The following ARHGAP26 variants were observed in gnomAD, a reference collection of about 807,000 sequenced individuals.
The protein encoded by ARHGAP26 is Rho GTPase activating protein 26, also known as rho GTPase-activating protein 26.
Under a neutral mutation model 104.8 loss-of-function variants are expected in ARHGAP26, and 38 were observed. That is an observed-to-expected ratio of 0.36 (90% CI 0.28 to 0.48). ARHGAP26 has a LOEUF of 0.48. Among genes scored for constraint, ARHGAP26 ranks in the 20% least tolerant of loss-of-function variants. The pLI is 0.99. For missense variants in ARHGAP26, 704 were observed against 947.9 expected (o/e 0.74, Z 3.38); for synonymous variants, 341 against 340.0 (o/e 1.00, Z -0.03).
At chr5:142,933,198 T>A (rs921676622) in intron 11 of ARHGAP26, among the ~76,000 whole-genome samples, 1 of 152,228 alleles carries the variant, frequency 6.6e-6, no homozygotes, top group Non-Finnish European at 1.5e-5. Flanking sequence ...CTATTTGATG[T>A]CAAAGGCCTT....
chr5:143,106,338 T>C (rs1300348497), intron 17 of ARHGAP26, among the ~76,000 whole-genome samples: 1 of 152,130 alleles, frequency 6.6e-6, no homozygotes, highest in African/African-American at 2.4e-5. Flanking sequence ...GGTGTTCGCA[T>C]CATTGTGCGG....
At chr5:142,961,405 T>C (rs759401735) in intron 11 of ARHGAP26, among the ~76,000 whole-genome samples, 1 of 152,038 alleles carries the variant, frequency 6.6e-6, no homozygotes. Context: ...GGTGGGAGGA[T>C]TGATCGAGGT....
At chr5:142,984,929 A>T (rs1007788074) in intron 11 of ARHGAP26, among the ~76,000 whole-genome samples, 1 of 152,144 alleles carries the variant, frequency 6.6e-6, no homozygotes, top group Non-Finnish European at 1.5e-5. Context: ...TATTAAAAAA[A>T]AAAGCGGTCA....
At chr5:142,962,602 G>GTT (rs146481229) in intron 11 of ARHGAP26, among the ~76,000 whole-genome samples, 33 of 151,228 alleles carry the variant, frequency 2.2e-4, no homozygotes, top group South Asian at 1.3e-3. Context: ...ATGGTGAAAG[G>GTT]TTTTTTTTTG....
intron 12 of ARHGAP26, among the ~76,000 whole-genome samples, chr5:143,033,852 G>T (rs1782236589): frequency 6.6e-6 from 1 of 152,124 alleles, no homozygotes; most frequent in Non-Finnish European, 1.5e-5. Context: ...GAACTAAAAG[G>T]CTTCACCTGA....
chr5:143,175,851 C>T (rs547845192), intron 20 of ARHGAP26, among the ~76,000 whole-genome samples: 10 of 152,310 alleles, frequency 6.6e-5, no homozygotes, highest in East Asian at 3.9e-4. Context: ...CAGTGGCTCA[C>T]GCCTGTAATC....
chr5:143,210,137 C>G (rs1342582331), intron 21 of ARHGAP26, among the ~76,000 whole-genome samples: 1 of 152,270 alleles, frequency 6.6e-6, no homozygotes, highest in East Asian at 1.9e-4. Context: ...TAAAAACATA[C>G]CCGAGACTGG....
chr5:142,834,733 G>T (rs1464064577), intron 1 of ARHGAP26, among the ~76,000 whole-genome samples: 1 of 152,246 alleles, frequency 6.6e-6, no homozygotes, highest in African/African-American at 2.4e-5. Flanking sequence ...TTTGGAATTT[G>T]CATGGCCTCA....
At chr5:142,936,438 T>C (rs1765434830) in intron 11 of ARHGAP26, among the ~76,000 whole-genome samples, 1 of 152,152 alleles carries the variant, frequency 6.6e-6, no homozygotes, top group South Asian at 2.1e-4. Flanking sequence ...ATAGTAAAGA[T>C]GTCAATTCTC....
chr5:143,011,994 T>C (rs1302619487), intron 11 of ARHGAP26, among the ~76,000 whole-genome samples: 7 of 152,168 alleles, frequency 4.6e-5, no homozygotes, highest in Non-Finnish European at 1.0e-4. Context: ...GAAAAACCTA[T>C]CATCGCCCAC....
chr5:143,097,106 A>C (rs954341829), intron 17 of ARHGAP26, among the ~76,000 whole-genome samples: 1 of 152,094 alleles, frequency 6.6e-6, no homozygotes, highest in African/African-American at 2.4e-5. Flanking sequence ...TGGGAGACCA[A>C]TGCGGGAGGA....
intron 1 of ARHGAP26, among the ~76,000 whole-genome samples, chr5:142,781,622 G>T (rs1333075955): frequency 2.0e-5 from 3 of 152,130 alleles, no homozygotes; most frequent in Non-Finnish European, 2.9e-5. Context: ...GTGTGCCAGG[G>T]AATACAGTCT....
intron 1 of ARHGAP26, among the ~76,000 whole-genome samples, chr5:142,838,790 C>G (rs1770130803): frequency 6.6e-6 from 1 of 152,168 alleles, no homozygotes; most frequent in Admixed American, 6.5e-5. Context: ...TTGGAATTAT[C>G]TAGTCTGAAA....
chr5:142,882,999 G>A (rs1314612790), intron 4 of ARHGAP26, among the ~76,000 whole-genome samples: 1 of 152,160 alleles, frequency 6.6e-6, no homozygotes, highest in African/African-American at 2.4e-5. Flanking sequence ...AAACCATCTT[G>A]TGTCCTGAGT....
At chr5:143,021,724 A>C (rs1408652303) in intron 12 of ARHGAP26, among the ~76,000 whole-genome samples, 1 of 152,232 alleles carries the variant, frequency 6.6e-6, no homozygotes, top group Non-Finnish European at 1.5e-5. Flanking sequence ...GTATCTGCAC[A>C]TTAGTTGGTA....
At chr5:142,972,147 A>C (rs1228004774) in intron 11 of ARHGAP26, among the ~76,000 whole-genome samples, 1 of 151,088 alleles carries the variant, frequency 6.6e-6, no homozygotes, top group African/African-American at 2.4e-5. Context: ...GTGCCACTGC[A>C]CTCCATCCTG....
At chr5:142,902,125 G>T in intron 7 of ARHGAP26, 86 bp downstream of exon 7, 1 of 1,228,398 alleles carries the variant, frequency 8.1e-7, no homozygotes, top group Non-Finnish European at 1.2e-6. Flanking sequence ...CATCCAGGTG[G>T]CTTGGAATGT....
intron 11 of ARHGAP26, among the ~76,000 whole-genome samples, chr5:142,959,014 C>T (rs1381575968): frequency 4.6e-5 from 7 of 151,720 alleles, no homozygotes; most frequent in Admixed American, 4.6e-4. Flanking sequence ...AACTTAGAGA[C>T]TATCAGAGCT....
At chr5:143,169,265 C>G (rs912997967) in intron 20 of ARHGAP26, among the ~76,000 whole-genome samples, 6 of 152,216 alleles carry the variant, frequency 3.9e-5, no homozygotes, top group African/African-American at 1.4e-4. Context: ...CATCAGTGTT[C>G]TTGGTTGCAA....
Sources: allele counts gnomAD v4.1 joint callset (sites outside exome capture counted in the v4.1 genomes callset), GRCh38; gene constraint gnomAD v4.1.1; transcripts MANE v1.5; gene names NCBI Gene and HGNC (gene_info 2026-07-23, HGNC 2026-07-21).